Variants in CSMD1 observed in about 807,000 individuals in gnomAD.
CSMD1 encodes the protein CUB and sushi domain-containing protein 1.
In CSMD1, 213 loss-of-function variants were observed where a neutral mutation model predicts 417.5. The observed-to-expected ratio is 0.51, with a 90% CI of 0.46 to 0.57. The LOEUF (loss-of-function observed/expected upper bound fraction) is 0.57. Ranked by LOEUF, CSMD1 falls within the 20% of genes least tolerant of loss-of-function variation. The probability of loss-of-function intolerance (pLI) is 0.00; values close to 1 mark genes in which losing one functional copy is unlikely to be tolerated. For synonymous variants in CSMD1, 2,862 were observed against 1,736.8 expected, an observed-to-expected ratio of 1.65 and a Z score of -16.11; for missense variants, 6,923 against 4,529.7, an observed-to-expected ratio of 1.53 and a Z score of -15.17.
rs116360560 is a variant in CSMD1, at chr8:4,175,941, G to A, written c.416-143842C>T. 2.8e-3 allele frequency among the ~76,000 whole-genome samples: 423 copies of A among 152,222 alleles called. 4 individuals are homozygous for A. Among genetic ancestry groups the A allele is most frequent in the African/African-American group, 9.4e-3 (392 of 41,496 alleles). On this transcript the variant is annotated intron_variant, in intron 3 of 69. Coordinates refer to ENST00000635120, the MANE Select transcript of CSMD1 (RefSeq NM_033225.6). ...GTGTGGTCACTGTGCAGGTGCTGTC[G>A]ACATTGGTGGCATGGGGCAGCTGGG...
chr8:4,763,963 C>G (rs999024208), intron 1 of CSMD1, among the ~76,000 whole-genome samples: 4 of 152,078 alleles, frequency 2.6e-5, no homozygotes, highest in African/African-American at 2.4e-5. Context: ...TATGACATGT[C>G]AAAATATCAG....
chr8:3,907,331 A>G (rs922743819), intron 5 of CSMD1, among the ~76,000 whole-genome samples: 1 of 152,218 alleles, frequency 6.6e-6, no homozygotes, highest in African/African-American at 2.4e-5. Flanking sequence ...TGCTGTTTCT[A>G]AAAGTTATAA....
At chr8:4,706,397 G>A (rs1377569255) in intron 1 of CSMD1, among the ~76,000 whole-genome samples, 1 of 152,110 alleles carries the variant, frequency 6.6e-6, no homozygotes, top group Non-Finnish European at 1.5e-5. Context: ...CAGACAAAAA[G>A]TGTATAATGA....
intron 5 of CSMD1, among the ~76,000 whole-genome samples, chr8:3,989,891 G>A (rs1286218485): frequency 6.6e-6 from 1 of 152,170 alleles, no homozygotes; most frequent in Admixed American, 6.5e-5. Context: ...CTCCTAACCA[G>A]TCCTCCATGA....
In CSMD1 at chr8:4,427,753, T is replaced by C. The variant is rs190479112; in HGVS notation, c.303-7688A>G. ...AAACTATTAATATAAAGTATATAAA[T>C]CTCTCAATAGAAACTTCAATTACAG... On this transcript the variant is annotated intron_variant, in intron 2 of 69. Transcript: ENST00000635120. Among the ~76,000 whole-genome samples, 392 of 152,278 alleles carry C rather than the reference T, an allele frequency of 2.6e-3. 9 individuals are homozygous for C. In the Middle Eastern group the frequency reaches 0.041, roughly 16 times the overall value.
rs1809585368 is a variant in CSMD1, at chr8:4,728,053, A to G, written c.86-90495T>C. 2.0e-5 allele frequency among the ~76,000 whole-genome samples: 3 copies of G among 146,754 alleles called. No individual in the cohort carries two copies. The South Asian group carries it at 6.3e-4, about 31-fold the overall frequency. ...CTATTTTTTTGGTTTATTGTTATATATAGAGAGATGTAGAATGTATATGTT... is the reference window on the plus strand; with the variant it reads ...CTATTTTTTTGGTTTATTGTTATATGTAGAGAGATGTAGAATGTATATGTT... On this transcript the variant is annotated intron_variant, in intron 1 of 69. Coordinates refer to ENST00000635120, the MANE Select transcript of CSMD1 (RefSeq NM_033225.6).
Position 4,889,787 on chromosome 8 carries a change from G to A in CSMD1, c.85+104545C>T, listed in dbSNP as rs116306648. Among the ~76,000 whole-genome samples the A allele has an allele frequency of 2.0e-3, 305 of 152,194 alleles. 1 individual carries two copies. The highest frequency in any genetic ancestry group is 7.0e-3 in the African/African-American group (289 of 41,462). The stretch of plus-strand genomic sequence containing the variant: ...GTATTCTTCCTAGAACACTAATAGT[G>A]AGGGCCTACTATGTTGAAACTTGAT... On this transcript the variant is annotated intron_variant, in intron 1 of 69. Coordinates refer to ENST00000635120, the MANE Select transcript of CSMD1 (RefSeq NM_033225.6).
chr8:3,900,306 G>C (rs112580466), intron 5 of CSMD1, among the ~76,000 whole-genome samples: 12,587 of 150,996 alleles, frequency 0.083, 1,030 homozygotes, highest in African/African-American at 0.22. Flanking sequence ...ACTGTAGCTG[G>C]GTGACAGTGC....
At chr8:3,375,197 C>G (rs1015516096) in intron 18 of CSMD1, 7 of 152,182 alleles carry the variant, frequency 4.6e-5, no homozygotes, top group Admixed American at 4.6e-4. Context: ...GGGATGTCAC[C>G]TTGGAGTCAC....
chr8:3,735,656 C>T (rs1031662133), intron 6 of CSMD1, among the ~76,000 whole-genome samples: 2 of 152,168 alleles, frequency 1.3e-5, no homozygotes, highest in Non-Finnish European at 2.9e-5. Context: ...GTTCACTCGG[C>T]TGAGAAATGG....
chr8:3,917,700 T>C (rs1165274732), intron 5 of CSMD1, among the ~76,000 whole-genome samples: 4 of 152,146 alleles, frequency 2.6e-5, no homozygotes, highest in Non-Finnish European at 5.9e-5. Context: ...CTAGATTGTT[T>C]TGGAGATACG....
chr8:4,247,420 T>C (rs1310153848), intron 3 of CSMD1, among the ~76,000 whole-genome samples: 1 of 152,208 alleles, frequency 6.6e-6, no homozygotes, highest in African/African-American at 2.4e-5. Flanking sequence ...GCAGTTCTCC[T>C]GCTGTGTCAC....
chr8:4,206,424 G>C (rs953682863), intron 3 of CSMD1, among the ~76,000 whole-genome samples: 2 of 152,042 alleles, frequency 1.3e-5, no homozygotes, highest in Non-Finnish European at 2.9e-5. Flanking sequence ...CTATGACTGA[G>C]AACATGCGGT....
At chr8:3,941,204 G>C (rs979787002) in intron 5 of CSMD1, among the ~76,000 whole-genome samples, 2 of 152,150 alleles carry the variant, frequency 1.3e-5, no homozygotes, top group South Asian at 2.1e-4. Flanking sequence ...AATTGTGCTA[G>C]AGAACAATTC....
At chr8:4,835,378 T>C (rs1585183928) in intron 1 of CSMD1, among the ~76,000 whole-genome samples, 1 of 152,144 alleles carries the variant, frequency 6.6e-6, no homozygotes, top group Non-Finnish European at 1.5e-5. Context: ...AGGTTAGTAA[T>C]TTGGGAAGCT....
intron 47 of CSMD1, among the ~76,000 whole-genome samples, chr8:3,093,472 G>T (rs924672231): frequency 6.6e-6 from 1 of 152,092 alleles, no homozygotes; most frequent in African/African-American, 2.4e-5. Flanking sequence ...TTTGAGACCA[G>T]CCTGGCCAAT....
intron 1 of CSMD1, among the ~76,000 whole-genome samples, chr8:4,706,053 T>G (rs1807917475): frequency 6.6e-6 from 1 of 150,828 alleles, no homozygotes; most frequent in Non-Finnish European, 1.5e-5. Context: ...TAATTTTTTA[T>G]ATATACACAA....
intron 1 of CSMD1, among the ~76,000 whole-genome samples, chr8:4,802,344 TGTGCGC>T (rs148724295): frequency 3.4e-4 from 48 of 142,060 alleles, no homozygotes; most frequent in South Asian, 1.7e-3. Flanking sequence ...AAAATGAGTG[TGTGCGC>T]GCGTGTGTGT....
chr8:3,489,767 T>C (rs1818265951), intron 11 of CSMD1, among the ~76,000 whole-genome samples: 1 of 152,202 alleles, frequency 6.6e-6, no homozygotes. Flanking sequence ...GTGAGCTATA[T>C]AGTTTTAGGC....
Sources: allele counts gnomAD v4.1 joint callset (sites outside exome capture counted in the v4.1 genomes callset), GRCh38; gene constraint gnomAD v4.1.1; transcripts MANE v1.5; gene names NCBI Gene and HGNC (gene_info 2026-07-23, HGNC 2026-07-21).